AP3S1: variants seen among roughly 807,000 people sequenced by gnomAD.
AP3S1 encodes adaptor related protein complex 3 subunit sigma 1.
AP3S1 carries 12 observed loss-of-function variants against 21.3 expected under a neutral mutation model. The ratio of observed to expected loss-of-function variants is 0.56; its 90% CI spans 0.36 to 0.91. The LOEUF (loss-of-function observed/expected upper bound fraction) is 0.91. Among genes scored for constraint, AP3S1 ranks in the 40% least tolerant of loss-of-function variants. AP3S1 has a pLI of 0.01. For synonymous variants in AP3S1, 48 were observed against 78.4 expected (o/e 0.61, Z 2.05); for missense variants, 116 against 225.0 (o/e 0.52, Z 3.10).
At chr5:115,882,624 A>T (rs925293412) in intron 3 of AP3S1, among the ~76,000 whole-genome samples, 4 of 152,084 alleles carry the variant, frequency 2.6e-5, no homozygotes, top group Non-Finnish European at 5.9e-5. Context: ...CTCCTGTATG[A>T]GATGTCTGTT....
Position 115,874,692 on chromosome 5 carries a change from G to A in AP3S1, c.273+4564G>A, listed in dbSNP as rs558210493. ...CAGTACTGTTAAACTACCTTTTGAG[G>A]AATTATTTTATTCATGGCTGCTAAT... On this transcript the variant is annotated intron_variant, in intron 3 of 5. Coordinates refer to ENST00000316788, the MANE Select transcript of AP3S1 (RefSeq NM_001284.4). 8.5e-5 allele frequency among the ~76,000 whole-genome samples: 13 copies of A among 152,072 alleles called. 1 individual carries two copies. Among genetic ancestry groups the A allele is most frequent in the African/African-American group, 2.9e-4 (12 of 41,510 alleles).
At chr5:115,876,693 A>G (rs1467663440) in intron 3 of AP3S1, among the ~76,000 whole-genome samples, 4 of 152,138 alleles carry the variant, frequency 2.6e-5, no homozygotes, top group African/African-American at 4.8e-5. Flanking sequence ...CTGTGTAACA[A>G]TTCTTTAACT....
chr5:115,870,129 G>GT lies in AP3S1; in HGVS notation c.273+2dup. On this transcript the variant is annotated splice_donor_variant, in intron 3 of 5. Transcript: ENST00000316788. LOFTEE classifies it high-confidence loss of function. Reference sequence around the variant, plus strand: ...ACTTGGCATTTTAGATCTAATTCAAGTAAGTTAACACTTGCTTCTTACTAT... The same window carrying GT: ...ACTTGGCATTTTAGATCTAATTCAAGTTAAGTTAACACTTGCTTCTTACTAT... 1.9e-6 allele frequency: 3 copies of GT among 1,568,594 alleles called. No individual in the cohort carries two copies. Among genetic ancestry groups the GT allele is most frequent in the Non-Finnish European group, 2.6e-6 (3 of 1,144,562 alleles).
intron 2 of AP3S1, among the ~76,000 whole-genome samples, chr5:115,869,686 G>A (rs780407424): frequency 2.1e-4 from 32 of 152,040 alleles, no homozygotes; most frequent in African/African-American, 7.3e-4. Flanking sequence ...TTGATTGTCA[G>A]TGTAACACTT....
chr5:115,901,978 T>G (rs139529267), intron 4 of AP3S1, among the ~76,000 whole-genome samples: 2 of 152,360 alleles, frequency 1.3e-5, no homozygotes, highest in East Asian at 3.9e-4. Flanking sequence ...AGCACTTACA[T>G]AAATTATTTA....
intron 3 of AP3S1, among the ~76,000 whole-genome samples, chr5:115,880,319 T>G (rs1041890463): frequency 6.6e-6 from 1 of 152,236 alleles, no homozygotes; most frequent in East Asian, 1.9e-4. Flanking sequence ...CTTTCCCGCT[T>G]TCTCCTGTGG....
intron 3 of AP3S1, among the ~76,000 whole-genome samples, chr5:115,881,191 T>G (rs1749252660): frequency 1.3e-5 from 2 of 152,136 alleles, no homozygotes; most frequent in Admixed American, 6.6e-5. Context: ...GTATTTAGCC[T>G]GTTTACATTT....
rs1419323846 is a variant in AP3S1 at position 115,913,256 on chromosome 5, T to C, written c.454-106T>C. The C allele has an allele frequency of 3.2e-6, 4 of 1,249,134 alleles. 1 individual carries two copies. In the Admixed American group the frequency reaches 8.1e-5, roughly 25 times the overall value. 77.4% of individuals were successfully genotyped at this position (1,249,134 alleles called of 1,614,324 possible). ...TCAAACTACCATCTGGTCCCTAAGC[T>C]TGTTATATGAAAATCTTTTATCATT... On this transcript the variant is annotated intron_variant, in intron 5 of 5. Coordinates refer to ENST00000316788, the MANE Select transcript of AP3S1 (RefSeq NM_001284.4).
intron 1 of AP3S1, among the ~76,000 whole-genome samples, chr5:115,866,101 G>A (rs1445454294): frequency 2.0e-5 from 3 of 152,056 alleles, no homozygotes; most frequent in East Asian, 1.9e-4. Flanking sequence ...CGGCCAGGAC[G>A]CTGACTCTTA....
rs116165835 is a variant in AP3S1 at position 115,896,235 on chromosome 5, A to G, written c.345+1077A>G. ...CATCACAATCAAAGTAGTACAAAGA[A>G]TGCATTTCATTATTTGTGAATGTCA... is the stretch of plus-strand genomic sequence containing the variant. On this transcript the variant is annotated intron_variant, in intron 4 of 5. Transcript: ENST00000316788. Among the ~76,000 whole-genome samples, 777 of 152,344 alleles carry G rather than the reference A, an allele frequency of 5.1e-3. 2 individuals carry two copies. Among genetic ancestry groups the G allele is most frequent in the South Asian group, 7.0e-3 (34 of 4,828 alleles).
chr5:115,900,239 T>C (rs1247413000), intron 4 of AP3S1, among the ~76,000 whole-genome samples: 1 of 152,206 alleles, frequency 6.6e-6, no homozygotes, highest in East Asian at 1.9e-4. Flanking sequence ...CTGGTTGCTT[T>C]TCTAATATCC....
intron 1 of AP3S1, 121 bp downstream of exon 1, chr5:115,842,227 G>A: frequency 7.3e-7 from 1 of 1,369,668 alleles, no homozygotes; most frequent in Non-Finnish European, 9.6e-7. Context: ...CGTCCCGGCC[G>A]CCTGGCGCTC....
intron 1 of AP3S1, among the ~76,000 whole-genome samples, chr5:115,866,264 C>G (rs796209626): frequency 2.0e-5 from 3 of 152,280 alleles, no homozygotes; most frequent in South Asian, 2.1e-4. Flanking sequence ...CTCCATAGTT[C>G]TATTTCTTTC....
intron 1 of AP3S1, among the ~76,000 whole-genome samples, chr5:115,845,203 A>G (rs548274693): frequency 3.3e-5 from 5 of 152,348 alleles, no homozygotes; most frequent in African/African-American, 1.2e-4. Flanking sequence ...AACAATATCT[A>G]GAGGTGTGAC....
intron 5 of AP3S1, among the ~76,000 whole-genome samples, chr5:115,912,662 C>T (rs908884564): frequency 2.4e-4 from 37 of 151,938 alleles, no homozygotes; most frequent in African/African-American, 8.2e-4. Context: ...TGAATCTATG[C>T]TATATGACAA....
intron 3 of AP3S1, among the ~76,000 whole-genome samples, chr5:115,882,601 G>T (rs1238351468): frequency 6.6e-6 from 1 of 152,130 alleles, no homozygotes; most frequent in Non-Finnish European, 1.5e-5. Context: ...CCCGCCAGAT[G>T]CCAGCCAGAG....
intron 5 of AP3S1, among the ~76,000 whole-genome samples, chr5:115,904,763 G>A (rs1465952240): frequency 1.3e-5 from 2 of 152,222 alleles, no homozygotes; most frequent in East Asian, 1.9e-4. Flanking sequence ...TGCTTTTAAA[G>A]TCTTAAAAGA....
intron 3 of AP3S1, among the ~76,000 whole-genome samples, chr5:115,877,942 A>T (rs1748882038): frequency 6.6e-6 from 1 of 152,100 alleles, no homozygotes; most frequent in Admixed American, 6.5e-5. Flanking sequence ...GCATTTCCAT[A>T]ATGACCAGTG....
At chr5:115,901,421 G>A (rs573308424) in intron 4 of AP3S1, among the ~76,000 whole-genome samples, 198 of 145,396 alleles carry the variant, frequency 1.4e-3, no homozygotes, top group African/African-American at 4.6e-3. Flanking sequence ...TTTAAGTTAC[G>A]GTAGTTTTCA....
Sources: gnomAD v4.1 joint callset for allele counts (sites outside exome capture counted in the v4.1 genomes callset) on GRCh38, gnomAD v4.1.1 for gene constraint, MANE v1.5 for transcripts, NCBI Gene and HGNC (gene_info 2026-07-23, HGNC 2026-07-21) for gene names.